The following C8orf74 variants were observed in gnomAD, a reference collection of about 807,000 sequenced individuals.
The protein encoded by C8orf74 is uncharacterized protein C8orf74.
In C8orf74, 29 loss-of-function variants were observed where a neutral mutation model predicts 22.2. The observed-to-expected ratio is 1.31, with a 90% CI of 0.97 to 1.78. C8orf74 has a LOEUF of 1.78. Among genes scored for constraint, C8orf74 ranks in the 40% most tolerant of loss-of-function variants. C8orf74 has a pLI of 0.00. For missense variants in C8orf74, 515 were observed against 369.9 expected, an observed-to-expected ratio of 1.39 and a Z score of -3.22; for synonymous variants, 255 against 163.1, an observed-to-expected ratio of 1.56 and a Z score of -4.30.
At chr8:10,695,837 C>T (rs954856226) in intron 2 of C8orf74, among the ~76,000 whole-genome samples, 1 of 152,128 alleles carries the variant, frequency 6.6e-6, no homozygotes, top group Non-Finnish European at 1.5e-5. Context: ...GGGAAAAGCC[C>T]GGCTCCTTGC....
chr8:10,673,812 A>C (rs571227817), intron 1 of C8orf74: 11 of 152,694 alleles, frequency 7.2e-5, no homozygotes, highest in African/African-American at 2.7e-4. Context: ...GGACCCCAAA[A>C]GTGTCTTACC....
At chr8:10,685,488 G>A (rs937923924) in intron 2 of C8orf74, among the ~76,000 whole-genome samples, 71 of 152,242 alleles carry the variant, frequency 4.7e-4, no homozygotes, top group Admixed American at 2.5e-3. Flanking sequence ...TCTGTCCCAT[G>A]CTACGACACG....
intron 2 of C8orf74, chr8:10,687,358 A>G: frequency 3.3e-6 from 1 of 303,232 alleles, no homozygotes; most frequent in Non-Finnish European, 6.6e-6. Context: ...ATAGAAATAG[A>G]TTGCATTACG....
At chr8:10,693,945 G>C (rs1006968597) in intron 2 of C8orf74, among the ~76,000 whole-genome samples, 2 of 152,062 alleles carry the variant, frequency 1.3e-5, no homozygotes, top group East Asian at 3.9e-4. Flanking sequence ...CCACCTTTAG[G>C]TGCCAACGAC....
chr8:10,696,436 CTTTTCTTTTT>C (rs1799501751), intron 2 of C8orf74, among the ~76,000 whole-genome samples: 5 of 130,786 alleles, frequency 3.8e-5, no homozygotes, highest in African/African-American at 6.6e-5. Flanking sequence ...CTTTTCTTTT[CTTTTCTTTTT>C]TTTTTTTTTT....
intron 2 of C8orf74, among the ~76,000 whole-genome samples, chr8:10,696,293 T>G (rs1298475918): frequency 6.6e-6 from 1 of 152,062 alleles, no homozygotes; most frequent in East Asian, 1.9e-4. Flanking sequence ...GCACTGCCCT[T>G]GGTGCTGCCC....
At position 10,700,403 on chromosome 8, in the gene C8orf74, G is replaced by A. The variant is rs374082262; in HGVS notation, c.817G>A (p.Ala273Thr). ...TATCCCGCCCCCCATCACCAGCCAC[G>A]CAGGCCAGGAGGAAGCCCTGAAGCC... is the stretch of plus-strand genomic sequence containing the variant. The part of the protein sequence containing the change: ...TPIPPPITSH[A>T]GQEEALKPQR... The change falls in exon 4 of 4, where the codon GCA (alanine) becomes ACA (threonine). Residue 273 changes from alanine to threonine, a missense_variant. Ala to Thr is a moderately conservative substitution (Grantham distance 58, BLOSUM62 0). Coordinates refer to ENST00000304519, the MANE Select transcript of C8orf74 (RefSeq NM_001040032.2). The A allele has an allele frequency of 2.9e-5, 31 of 1,052,126 alleles. No homozygotes were observed. The highest frequency in any genetic ancestry group is 7.1e-5 in the African/African-American group (4 of 56,514). The allele number at this position is 1,052,126 out of a possible 1,614,324, so 65.2% of individuals were successfully genotyped here.
At chr8:10,686,167 C>T (rs1799258414) in intron 2 of C8orf74, among the ~76,000 whole-genome samples, 2 of 152,140 alleles carry the variant, frequency 1.3e-5, no homozygotes, top group Admixed American at 1.3e-4. Context: ...TGCTAGTGGA[C>T]ATATTGTAGT....
At chr8:10,699,565 G>A (rs186361252) in intron 3 of C8orf74, among the ~76,000 whole-genome samples, 2 of 152,328 alleles carry the variant, frequency 1.3e-5, no homozygotes, top group East Asian at 1.9e-4. Flanking sequence ...ACAGTTACGT[G>A]GTCCATGTAT....
intron 2 of C8orf74, chr8:10,692,507 C>T (rs553836514): frequency 6.6e-6 from 1 of 152,330 alleles, no homozygotes; most frequent in African/African-American, 2.4e-5. Context: ...GGGAATGTTC[C>T]CTAAATAAAT....
At chr8:10,677,636 C>A (rs957531605) in intron 2 of C8orf74, among the ~76,000 whole-genome samples, 2 of 151,738 alleles carry the variant, frequency 1.3e-5, no homozygotes, top group African/African-American at 4.9e-5. Context: ...CACCTCCTAA[C>A]TAACCTCTGC....
At chr8:10,680,980 G>T (rs908209580) in intron 2 of C8orf74, among the ~76,000 whole-genome samples, 1 of 151,920 alleles carries the variant, frequency 6.6e-6, no homozygotes, top group African/African-American at 2.4e-5. Context: ...CTTGGAAAGC[G>T]GCTTCTCCAG....
intron 2 of C8orf74, among the ~76,000 whole-genome samples, chr8:10,693,929 C>T (rs1207277670): frequency 6.6e-6 from 1 of 152,246 alleles, no homozygotes; most frequent in African/African-American, 2.4e-5. Context: ...TTGCCATCAT[C>T]TGCCTCCACC....
intron 3 of C8orf74, among the ~76,000 whole-genome samples, chr8:10,699,876 A>G (rs986776324): frequency 1.3e-5 from 2 of 152,258 alleles, no homozygotes; most frequent in Non-Finnish European, 2.9e-5. Flanking sequence ...ACACTCAAAC[A>G]GCCTGGCCGT....
intron 2 of C8orf74, among the ~76,000 whole-genome samples, chr8:10,676,187 T>G (rs1398053230): frequency 6.6e-6 from 1 of 152,182 alleles, no homozygotes; most frequent in Admixed American, 6.5e-5. Flanking sequence ...AAAAGTATAA[T>G]AATTTTTTTT....
chr8:10,677,726 C>T (rs1799062721), intron 2 of C8orf74, among the ~76,000 whole-genome samples: 2 of 152,150 alleles, frequency 1.3e-5, no homozygotes, highest in South Asian at 4.1e-4. Context: ...GATTCAAACA[C>T]AGCAATCGGT....
chr8:10,687,071 C>G (rs1203701591), intron 2 of C8orf74: 3 of 456,144 alleles, frequency 6.6e-6, no homozygotes, highest in Middle Eastern at 3.2e-4. Flanking sequence ...TCATTCTCTG[C>G]CAAACCAGGT....
intron 2 of C8orf74, among the ~76,000 whole-genome samples, chr8:10,684,048 G>A (rs771781900): frequency 1.2e-4 from 19 of 152,274 alleles, no homozygotes; most frequent in Non-Finnish European, 1.5e-4. Context: ...CAGGAGCCCC[G>A]TGCTTCCAGG....
intron 2 of C8orf74, chr8:10,690,869 G>C (rs1209750409): frequency 2.2e-6 from 1 of 456,078 alleles, no homozygotes; most frequent in South Asian, 1.5e-5. Context: ...TATCCTCGCA[G>C]GTGCTGGCCT....
Sources: allele counts gnomAD v4.1 joint callset (sites outside exome capture counted in the v4.1 genomes callset), GRCh38; gene constraint gnomAD v4.1.1; transcripts MANE v1.5; gene names NCBI Gene and HGNC (gene_info 2026-07-23, HGNC 2026-07-21).